ARHGAP32: variants seen among roughly 807,000 people sequenced by gnomAD.
ARHGAP32 encodes rho GTPase-activating protein 32.
In ARHGAP32, 51 loss-of-function variants were observed where a neutral mutation model predicts 186.5. The observed-to-expected ratio is 0.27, with a 90% CI of 0.22 to 0.35. The LOEUF is 0.35. Ranked by LOEUF, ARHGAP32 falls within the 10% of genes least tolerant of loss-of-function variation. The pLI is 1.00. For missense variants in ARHGAP32, 2,186 were observed against 2,623.5 expected (o/e 0.83, Z 3.64); for synonymous variants, 950 against 964.3 (o/e 0.99, Z 0.27).
At chr11:129,149,957 A>G (rs988927359) in intron 2 of ARHGAP32, among the ~76,000 whole-genome samples, 5 of 152,054 alleles carry the variant, frequency 3.3e-5, no homozygotes, top group Non-Finnish European at 5.9e-5. Flanking sequence ...AAAAACAATC[A>G]CAAATTCTGG....
chr11:129,062,212 A>C, intron 10 of ARHGAP32, 68 bp downstream of exon 10: 2 of 1,390,048 alleles, frequency 1.4e-6, no homozygotes, highest in Non-Finnish European at 2.0e-6. Context: ...ACATGTAAAC[A>C]AAAGTATTAC....
intron 11 of ARHGAP32, among the ~76,000 whole-genome samples, chr11:129,016,568 T>C (rs1367860097): frequency 6.6e-6 from 1 of 152,254 alleles, no homozygotes. Flanking sequence ...ATATAGCATG[T>C]AAGACGTCTG....
chr11:129,196,546 G>A (rs1944394057), upstream of ARHGAP32, among the ~76,000 whole-genome samples: 1 of 152,014 alleles, frequency 6.6e-6, no homozygotes, highest in Non-Finnish European at 1.5e-5. Flanking sequence ...GTATCCACAG[G>A]GTGTCCTGGA....
At chr11:129,198,116 T>C (rs1010573971) in intron 1 of ARHGAP32, among the ~76,000 whole-genome samples, 2 of 152,236 alleles carry the variant, frequency 1.3e-5, no homozygotes, top group East Asian at 1.9e-4. Flanking sequence ...TAAACACATG[T>C]ATTCAAAGGG....
chr11:129,169,689 A>G (rs1943717908), intron 1 of ARHGAP32, among the ~76,000 whole-genome samples: 1 of 151,734 alleles, frequency 6.6e-6, no homozygotes, highest in African/African-American at 2.4e-5. Flanking sequence ...TTTCACTGCA[A>G]TGCAGTTGAG....
chr11:129,243,291 C>T (rs897460461), intron 1 of ARHGAP32, among the ~76,000 whole-genome samples: 1 of 152,170 alleles, frequency 6.6e-6, no homozygotes, highest in African/African-American at 2.4e-5. Context: ...AGAAATCTGT[C>T]ATCCAACTTC....
At chr11:129,112,340 C>T (rs2135344222) in intron 5 of ARHGAP32, among the ~76,000 whole-genome samples, 1 of 152,046 alleles carries the variant, frequency 6.6e-6, no homozygotes, top group African/African-American at 2.4e-5. Flanking sequence ...TTGTCTTTCA[C>T]TTTTGTCAGT....
At chr11:129,125,596 A>C (rs1477159770) in intron 2 of ARHGAP32, among the ~76,000 whole-genome samples, 2 of 152,112 alleles carry the variant, frequency 1.3e-5, no homozygotes, top group Non-Finnish European at 2.9e-5. Context: ...TGAGATAAGC[A>C]GTTAAAGTAA....
chr11:129,253,747 T>A (rs558697926), intron 1 of ARHGAP32, among the ~76,000 whole-genome samples: 2 of 152,236 alleles, frequency 1.3e-5, no homozygotes, highest in East Asian at 3.9e-4. Flanking sequence ...ACAGGAATCA[T>A]ATCTATTTTA....
upstream of ARHGAP32, among the ~76,000 whole-genome samples, chr11:129,195,364 C>G (rs962331853): frequency 6.6e-6 from 1 of 152,152 alleles, no homozygotes; most frequent in South Asian, 2.1e-4. Context: ...TCCCTCACTT[C>G]GAGCCTTTCA....
At chr11:129,055,738 G>A (rs2063635706) in intron 10 of ARHGAP32, among the ~76,000 whole-genome samples, 1 of 152,176 alleles carries the variant, frequency 6.6e-6, no homozygotes, top group African/African-American at 2.4e-5. Flanking sequence ...ACATGACAGT[G>A]AAAGATCACA....
At chr11:129,032,586 G>T (rs1320947288) in intron 11 of ARHGAP32, among the ~76,000 whole-genome samples, 1 of 152,068 alleles carries the variant, frequency 6.6e-6, no homozygotes, top group East Asian at 1.9e-4. Flanking sequence ...AAGTTCTCTG[G>T]TTTAGTACAT....
Position 128,976,590 on chromosome 11 carries a change from A to G in ARHGAP32, c.2167T>C (p.Ser723Pro). The change falls in exon 20 of 23, where the codon TCT (serine) becomes CCT (proline). Residue 723 changes from serine (S) to proline (P), a missense_variant. Ser to Pro is a moderately conservative substitution (Grantham distance 74). Coordinates refer to ENST00000682385, the MANE Select transcript of ARHGAP32 (RefSeq NM_001378024.1). ...TCAACTGCATGGAGAGATGTAAGAG[A>G]CTCCTCACTTTTAGCTGAACGGAGG... ...GTLRSAKSEESLTSLHAVDGD... is the reference protein window; with the variant it reads ...GTLRSAKSEEPLTSLHAVDGD... 6.2e-7 allele frequency: 1 copy of G among 1,613,958 alleles called. No individual in the cohort carries two copies. The highest frequency in any genetic ancestry group is 8.5e-7 in the Non-Finnish European group (1 of 1,179,918).
chr11:129,065,152 A>G (rs1940643976), intron 7 of ARHGAP32, among the ~76,000 whole-genome samples: 1 of 152,164 alleles, frequency 6.6e-6, no homozygotes, highest in African/African-American at 2.4e-5. Context: ...CCTTATCATC[A>G]GCGATCATAC....
chr11:128,999,953 T>C (rs1371580746), intron 11 of ARHGAP32, among the ~76,000 whole-genome samples: 1 of 152,214 alleles, frequency 6.6e-6, no homozygotes, highest in Non-Finnish European at 1.5e-5. Flanking sequence ...TAAAAGCGGT[T>C]TGCATTTCTT....
At chr11:128,995,734 G>A (rs769840847) in intron 12 of ARHGAP32, among the ~76,000 whole-genome samples, 12 of 152,204 alleles carry the variant, frequency 7.9e-5, no homozygotes, top group Non-Finnish European at 1.3e-4. Context: ...AGCTATTCAG[G>A]AAGCTGAGGC....
chr11:129,070,504 A>C (rs1940834682), intron 6 of ARHGAP32, among the ~76,000 whole-genome samples: 1 of 151,992 alleles, frequency 6.6e-6, no homozygotes, highest in African/African-American at 2.4e-5. Flanking sequence ...CCAAACTGAC[A>C]GATTTGGGAG....
At chr11:129,172,800 T>C (rs1379958873) in intron 1 of ARHGAP32, among the ~76,000 whole-genome samples, 1 of 151,552 alleles carries the variant, frequency 6.6e-6, no homozygotes, top group African/African-American at 2.4e-5. Context: ...TAAAGCAGTG[T>C]TAAGAGGGAA....
rs1945258942 is a variant in ARHGAP32, at chr11:128,968,036, TAAG to T, written c.*868_*870del. 2 of 149,674 alleles carry T rather than the reference TAAG, an allele frequency of 1.3e-5. No homozygotes were observed. Among genetic ancestry groups the T allele is most frequent in the African/African-American group, 4.9e-5 (2 of 40,470 alleles). 9.3% of individuals were successfully genotyped at this position (149,674 alleles called of 1,614,324 possible). Reference sequence around the variant, plus strand: ...CACCAAATCTTATTGAGGGGTGGGGTAAGAAGAAAACCTGAAGGCAGGCAATGC... The same window carrying T: ...CACCAAATCTTATTGAGGGGTGGGGTAAGAAAACCTGAAGGCAGGCAATGC... On this transcript the variant is annotated 3_prime_UTR_variant, in exon 23 of 23. Transcript: ENST00000682385.
Sources: allele counts gnomAD v4.1 joint callset (sites outside exome capture counted in the v4.1 genomes callset), GRCh38; gene constraint gnomAD v4.1.1; transcripts MANE v1.5; gene names NCBI Gene and HGNC (gene_info 2026-07-23, HGNC 2026-07-21).